Variants in STMND1 observed in about 807,000 individuals in gnomAD.
The protein encoded by STMND1 is stathmin domain-containing protein 1.
A neutral mutation model predicts 23.0 loss-of-function variants in STMND1; 17 were observed. That is an observed-to-expected ratio of 0.74 (90% CI 0.51 to 1.11). The LOEUF (loss-of-function observed/expected upper bound fraction) is 1.11, where lower values mean the gene tolerates loss of function less well. Ranked by LOEUF, STMND1 falls within the 50% of genes least tolerant of loss-of-function variation. The pLI, the probability that STMND1 is intolerant of heterozygous loss-of-function variation, is 0.00. For missense variants in STMND1, 305 were observed against 329.1 expected (o/e 0.93, Z 0.57); for synonymous variants, 114 against 119.9 (o/e 0.95, Z 0.32).
chr6:17,116,188 A>G lies in STMND1; in HGVS notation c.259+1049A>G, dbSNP rs115219915. ...GTCAGTGCTGCCAGCTGTGTGTACA[A>G]TGTTAAAGGTGGTATGAAGAGGGTG... On this transcript the variant is annotated intron_variant, in intron 2 of 4. Coordinates refer to ENST00000536551, the MANE Select transcript of STMND1 (RefSeq NM_001190766.2). Among the ~76,000 whole-genome samples the G allele has an allele frequency of 1.1e-3, 168 of 152,304 alleles. 2 individuals carry two copies. The highest frequency in any genetic ancestry group is 3.8e-3 in the African/African-American group (157 of 41,564).
At chr6:17,127,599 T>G (rs1761325536) in intron 3 of STMND1, among the ~76,000 whole-genome samples, 1 of 152,158 alleles carries the variant, frequency 6.6e-6, no homozygotes, top group African/African-American at 2.4e-5. Flanking sequence ...CCAGCCAGGA[T>G]TCAAACCCAG....
chr6:17,103,734 G>A (rs1382288463), intron 1 of STMND1, among the ~76,000 whole-genome samples: 1 of 151,980 alleles, frequency 6.6e-6, no homozygotes, highest in Non-Finnish European at 1.5e-5. Context: ...ACCACGCCCA[G>A]CTAATTTTTG....
At chr6:17,125,153 C>A (rs371046426) in intron 3 of STMND1, among the ~76,000 whole-genome samples, 1,624 of 128,952 alleles carry the variant, frequency 0.013, no homozygotes, top group African/African-American at 0.015. Flanking sequence ...GCCATTTCTA[C>A]AAAAAAAAAA....
intron 3 of STMND1, among the ~76,000 whole-genome samples, chr6:17,123,052 A>G (rs1425016745): frequency 2.0e-5 from 3 of 152,206 alleles, no homozygotes; most frequent in African/African-American, 7.2e-5. Context: ...GAAATGCTAT[A>G]GACACTTCGA....
chr6:17,111,469 AACACCTACAT>A (rs1761095881), intron 1 of STMND1, among the ~76,000 whole-genome samples: 3 of 152,148 alleles, frequency 2.0e-5, no homozygotes, highest in African/African-American at 7.2e-5. Flanking sequence ...AAAAGTTAGA[AACACCTACAT>A]GTCCTTCAGT....
chr6:17,119,520 A>G (rs1181076334), intron 2 of STMND1, among the ~76,000 whole-genome samples: 1 of 152,180 alleles, frequency 6.6e-6, no homozygotes, highest in Non-Finnish European at 1.5e-5. Context: ...CCTGTCCAAC[A>G]TGGTGAAATC....
At chr6:17,112,068 A>T (rs957741448) in intron 1 of STMND1, among the ~76,000 whole-genome samples, 2 of 152,234 alleles carry the variant, frequency 1.3e-5, no homozygotes, top group Non-Finnish European at 2.9e-5. Context: ...AAAATGTACA[A>T]TTGACAGCCA....
At chr6:17,129,592 C>T (rs1761358753) in intron 4 of STMND1, among the ~76,000 whole-genome samples, 1 of 151,806 alleles carries the variant, frequency 6.6e-6, no homozygotes, top group African/African-American at 2.4e-5. Flanking sequence ...CGCCTGTAAT[C>T]CCAGCACTTT....
At chr6:17,105,211 C>T (rs1478030529) in intron 1 of STMND1, among the ~76,000 whole-genome samples, 6 of 152,198 alleles carry the variant, frequency 3.9e-5, no homozygotes, top group Admixed American at 3.9e-4. Context: ...TGGAACCAAT[C>T]CCCCACTAAT....
At chr6:17,109,349 C>T in intron 1 of STMND1, among the ~76,000 whole-genome samples, 1 of 152,160 alleles carries the variant, frequency 6.6e-6, no homozygotes. Flanking sequence ...TGATAAGGAG[C>T]TATGTAACTC....
chr6:17,106,511 A>G (rs534032001), intron 1 of STMND1, among the ~76,000 whole-genome samples: 11 of 152,298 alleles, frequency 7.2e-5, no homozygotes, highest in African/African-American at 2.6e-4. Flanking sequence ...GACAGTCTGC[A>G]AGGAGGAAAT....
Position 17,115,129 on chromosome 6 carries a change from A to C in STMND1, c.249A>C (p.Arg83=). 1 of 1,534,566 alleles carries C rather than the reference A, an allele frequency of 6.5e-7. No homozygotes were observed. The highest frequency in any genetic ancestry group is 8.7e-7 in the Non-Finnish European group (1 of 1,146,406). ...CATCTCCTAGTGAAAGAAACAGACG[A>C]GTAAATTCAGGTAACCTCCCTCTGC... ...NSPSPSERNR[R]VNSDLVTNGL... The change falls in exon 2 of 5, where the codon CGA becomes CGC. Residue 83 remains arginine (R), a synonymous_variant. Transcript: ENST00000536551.
Position 17,115,079 on chromosome 6 carries a change from C to T in STMND1, c.199C>T (p.Pro67Ser). 1.3e-6 allele frequency: 2 copies of T among 1,535,910 alleles called. No individual in the cohort carries two copies. Among genetic ancestry groups the T allele is most frequent in the Non-Finnish European group, 1.7e-6 (2 of 1,146,820 alleles). ...GGAACAAGTCCAGATGGGAAGCTTACCTGGAACCATTTCAGAAAATTCTCC... is the reference window on the plus strand; with the variant it reads ...GGAACAAGTCCAGATGGGAAGCTTATCTGGAACCATTTCAGAAAATTCTCC... Reference protein sequence around the residue: ...GLEQVQMGSLPGTISENSPSP... With the variant: ...GLEQVQMGSLSGTISENSPSP... Residue 67 changes from proline (P) to serine (S), a missense_variant, in exon 2 of 5, where the codon CCT (proline) becomes TCT (serine). Pro to Ser is a moderately conservative substitution (Grantham distance 74, BLOSUM62 -1). Coordinates refer to ENST00000536551, the MANE Select transcript of STMND1 (RefSeq NM_001190766.2).
chr6:17,126,171 G>A (rs1328353687), intron 3 of STMND1, among the ~76,000 whole-genome samples: 1 of 143,804 alleles, frequency 7.0e-6, no homozygotes, highest in African/African-American at 2.6e-5. Flanking sequence ...ACCTGCCTTG[G>A]CCTCCCAAAG....
chr6:17,130,845 C>T lies in STMND1; in HGVS notation c.795C>T (p.Asp265=), dbSNP rs953499813. 2 of 1,534,788 alleles carry T rather than the reference C, an allele frequency of 1.3e-6. No homozygotes were observed. Among genetic ancestry groups the T allele is most frequent in the Non-Finnish European group, 8.7e-7 (1 of 1,146,282 alleles). The change falls in exon 5 of 5, where the codon GAC becomes GAT. Residue 265 remains aspartate (D), a synonymous_variant. Coordinates refer to ENST00000536551, the MANE Select transcript of STMND1 (RefSeq NM_001190766.2). The part of the protein sequence containing the change: ...SDESFGVVES[D]MSYNQADDIV... ...AAAGTTTTGGGGTCGTGGAGTCAGA[C>T]ATGTCCTACAACCAAGCAGATGACA...
At chr6:17,129,864 T>A (rs375901545) in intron 4 of STMND1, among the ~76,000 whole-genome samples, 2 of 151,366 alleles carry the variant, frequency 1.3e-5, no homozygotes, top group South Asian at 2.1e-4. Flanking sequence ...AAAAAAAAAA[T>A]TGTTTAGAGA....
At chr6:17,120,546 G>C (rs1761219330) in intron 2 of STMND1, 61 bp from the exon 3 acceptor site, 3 of 1,356,126 alleles carry the variant, frequency 2.2e-6, no homozygotes, top group Admixed American at 5.6e-5. Flanking sequence ...TTTAGCATTT[G>C]ATTGAAAAAA....
chr6:17,117,667 CTT>C (rs34107338), intron 2 of STMND1, among the ~76,000 whole-genome samples: 5 of 49,580 alleles, frequency 1.0e-4, no homozygotes, highest in Admixed American at 3.5e-4. Flanking sequence ...TTGGGTTACG[CTT>C]TTTTTTTTTT....
chr6:17,103,315 C>A (rs1027140357), intron 1 of STMND1, among the ~76,000 whole-genome samples: 2 of 152,190 alleles, frequency 1.3e-5, no homozygotes, highest in African/African-American at 2.4e-5. Context: ...AAAGAGCACA[C>A]ACTTGGTCTC....
Sources: gnomAD v4.1 joint callset for allele counts (sites outside exome capture counted in the v4.1 genomes callset) on GRCh38, gnomAD v4.1.1 for gene constraint, MANE v1.5 for transcripts, NCBI Gene and HGNC (gene_info 2026-07-23, HGNC 2026-07-21) for gene names.